The following BMPR1A variants were observed in gnomAD, a reference collection of about 807,000 sequenced individuals.
BMPR1A encodes the protein bone morphogenetic protein receptor type-1A.
A neutral mutation model predicts 66.0 loss-of-function variants in BMPR1A; 7 were observed. That is an observed-to-expected ratio of 0.11 (90% confidence interval 0.06 to 0.20). BMPR1A has a LOEUF of 0.20. Ranked by LOEUF, BMPR1A falls within the 10% of genes least tolerant of loss-of-function variation. The probability of loss-of-function intolerance (pLI) is 1.00; values close to 1 mark genes in which losing one functional copy is unlikely to be tolerated. For synonymous variants in BMPR1A, 200 were observed against 229.7 expected, an observed-to-expected ratio of 0.87 and a Z score of 1.17; for missense variants, 408 against 669.1, an observed-to-expected ratio of 0.61 and a Z score of 4.31.
chr10:86,764,036 C>T (rs1242894305), intron 1 of BMPR1A, among the ~76,000 whole-genome samples: 1 of 152,120 alleles, frequency 6.6e-6, no homozygotes, highest in East Asian at 1.9e-4. Flanking sequence ...CGTGATCCTC[C>T]CGCCTCAGCC....
intron 1 of BMPR1A, among the ~76,000 whole-genome samples, chr10:86,837,837 A>T (rs1416233598): frequency 6.6e-6 from 1 of 152,222 alleles, no homozygotes; most frequent in East Asian, 1.9e-4. Flanking sequence ...AAGATACAGC[A>T]GCCTGTCTGC....
At chr10:86,838,055 C>T (rs1842376907) in intron 1 of BMPR1A, among the ~76,000 whole-genome samples, 1 of 152,172 alleles carries the variant, frequency 6.6e-6, no homozygotes, top group Non-Finnish European at 1.5e-5. Context: ...AAACAGAATA[C>T]TTTGCTATTT....
At chr10:86,823,330 A>G (rs2084105161) in intron 1 of BMPR1A, among the ~76,000 whole-genome samples, 1 of 152,180 alleles carries the variant, frequency 6.6e-6, no homozygotes, top group African/African-American at 2.4e-5. Flanking sequence ...TCTGCCTGGC[A>G]CTGTTCTAAG....
At chr10:86,834,315 T>A (rs1842312289) in intron 1 of BMPR1A, among the ~76,000 whole-genome samples, 1 of 152,218 alleles carries the variant, frequency 6.6e-6, no homozygotes, top group Non-Finnish European at 1.5e-5. Flanking sequence ...TAAGTTAGAT[T>A]TTCTATGCAA....
chr10:86,869,694 T>C (rs1457617735), intron 2 of BMPR1A, among the ~76,000 whole-genome samples: 1 of 151,746 alleles, frequency 6.6e-6, no homozygotes, highest in Non-Finnish European at 1.5e-5. Flanking sequence ...GAGGCAGAGG[T>C]TGCGGTGAGC....
intron 1 of BMPR1A, among the ~76,000 whole-genome samples, chr10:86,763,137 G>A (rs948959856): frequency 6.6e-6 from 1 of 151,504 alleles, no homozygotes; most frequent in Non-Finnish European, 1.5e-5. Flanking sequence ...CTCGTGATCC[G>A]CCCACCTCGG....
At chr10:86,922,604 G>A (rs1843683339) in intron 11 of BMPR1A, among the ~76,000 whole-genome samples, 1 of 152,220 alleles carries the variant, frequency 6.6e-6, no homozygotes, top group Non-Finnish European at 1.5e-5. Context: ...AAAACCAGGC[G>A]AGGCTTCCCA....
intron 1 of BMPR1A, among the ~76,000 whole-genome samples, chr10:86,816,864 C>G (rs971567262): frequency 6.6e-6 from 1 of 152,138 alleles, no homozygotes; most frequent in Non-Finnish European, 1.5e-5. Context: ...ACCCAAGATA[C>G]ACCAGACACT....
chr10:86,850,152 CT>C (rs1311601998), intron 2 of BMPR1A, among the ~76,000 whole-genome samples: 1 of 152,052 alleles, frequency 6.6e-6, no homozygotes, highest in Admixed American at 6.6e-5. Context: ...GAAACCCCAT[CT>C]CTACTAAAAA....
chr10:86,900,871 C>T (rs1843298559), intron 7 of BMPR1A, among the ~76,000 whole-genome samples: 1 of 152,308 alleles, frequency 6.6e-6, no homozygotes, highest in South Asian at 2.1e-4. Context: ...AGCTCCACAT[C>T]TGAGGTAGCC....
intron 1 of BMPR1A, among the ~76,000 whole-genome samples, chr10:86,815,332 C>T (rs1842021622): frequency 1.3e-5 from 2 of 152,136 alleles, no homozygotes; most frequent in Admixed American, 1.3e-4. Context: ...AGAACCTTTT[C>T]CTGTTCAATT....
At chr10:86,919,788 A>G (rs1351332099) in intron 10 of BMPR1A, among the ~76,000 whole-genome samples, 1 of 151,944 alleles carries the variant, frequency 6.6e-6, no homozygotes, top group African/African-American at 2.4e-5. Context: ...GCTCACTGCA[A>G]CCTCGACCTC....
At chr10:86,855,148 C>T in intron 2 of BMPR1A, 2 of 397,850 alleles carry the variant, frequency 5.0e-6, no homozygotes, top group Non-Finnish European at 4.5e-6. Context: ...TCTCGAACTC[C>T]TGACATCAGG....
chr10:86,846,343 T>G (rs1296705190), intron 2 of BMPR1A, among the ~76,000 whole-genome samples: 1 of 152,154 alleles, frequency 6.6e-6, no homozygotes, highest in Non-Finnish European at 1.5e-5. Flanking sequence ...ACTCCAGCCT[T>G]GGGAAGAAGC....
At chr10:86,793,518 C>T (rs1469828418) in intron 1 of BMPR1A, among the ~76,000 whole-genome samples, 1 of 151,936 alleles carries the variant, frequency 6.6e-6, no homozygotes, top group African/African-American at 2.4e-5. Context: ...TGCATGCCAC[C>T]ACGCCTAGCT....
chr10:86,873,786 A>C (rs952656661), intron 2 of BMPR1A, among the ~76,000 whole-genome samples: 5 of 152,254 alleles, frequency 3.3e-5, no homozygotes, highest in Admixed American at 6.5e-5. Flanking sequence ...AATGCTGTTA[A>C]ATCATGTGGC....
In BMPR1A at chr10:86,912,278, A is replaced by G. The variant is rs574229174; in HGVS notation, c.569A>G (p.Asn190Ser). The G allele has an allele frequency of 3.1e-6, 5 of 1,613,942 alleles. No homozygotes were observed. Among genetic ancestry groups the G allele is most frequent in the East Asian group, 2.2e-5 (1 of 44,842 alleles). The part of the protein sequence containing the change: ...CKSISSRRRY[N>S]RDLEQDEAFI... The stretch of plus-strand genomic sequence containing the variant: ...AGCATCTCAAGCAGACGTCGTTACA[A>G]TCGTGATTTGGAACAGGATGAAGCA... Residue 190 changes from asparagine to serine, a missense_variant, in exon 8 of 13, where the codon AAT becomes AGT. Asn to Ser is a conservative substitution (Grantham distance 46). Coordinates refer to ENST00000372037, the MANE Select transcript of BMPR1A (RefSeq NM_004329.3).
At chr10:86,831,994 C>T (rs947599457) in intron 1 of BMPR1A, among the ~76,000 whole-genome samples, 1 of 152,046 alleles carries the variant, frequency 6.6e-6, no homozygotes, top group African/African-American at 2.4e-5. Context: ...AGATGATATA[C>T]CTATAAGTAG....
At chr10:86,756,382 T>C (rs1014433453), upstream of BMPR1A, 13 of 151,890 alleles carry the variant, frequency 8.6e-5, no homozygotes, top group African/African-American at 2.9e-4. Context: ...CGGCGCCCCC[T>C]TGCCGGCGGC....
Sources: allele counts gnomAD v4.1 joint callset (sites outside exome capture counted in the v4.1 genomes callset), GRCh38; gene constraint gnomAD v4.1.1; transcripts MANE v1.5; gene names NCBI Gene and HGNC (gene_info 2026-07-23, HGNC 2026-07-21).